MYO3B: variants seen among roughly 807,000 people sequenced by gnomAD.
The protein encoded by MYO3B is myosin IIIB.
In MYO3B, 156 loss-of-function variants were observed where a neutral mutation model predicts 174.6. That is an observed-to-expected ratio of 0.89 (90% CI 0.78 to 1.02). The LOEUF (loss-of-function observed/expected upper bound fraction) is 1.02, where lower values mean the gene tolerates loss of function less well. Among genes scored for constraint, MYO3B ranks in the 50% least tolerant of loss-of-function variants. The pLI is 0.00. For synonymous variants in MYO3B, 563 were observed against 569.1 expected (o/e 0.99, Z 0.15); for missense variants, 1,632 against 1,639.4 (o/e 1.00, Z 0.08).
intron 32 of MYO3B, among the ~76,000 whole-genome samples, chr2:170,607,671 C>T (rs1694897085): frequency 6.6e-6 from 1 of 152,198 alleles, no homozygotes; most frequent in African/African-American, 2.4e-5. Context: ...CTACTGTTTT[C>T]ACCTGGTAAT....
chr2:170,332,987 A>G (rs895116360), intron 7 of MYO3B, among the ~76,000 whole-genome samples: 8 of 152,092 alleles, frequency 5.3e-5, no homozygotes, highest in African/African-American at 1.9e-4. Context: ...TTTCAGTCAA[A>G]TCTACTCAGT....
intron 32 of MYO3B, among the ~76,000 whole-genome samples, chr2:170,584,141 A>G (rs559254978): frequency 1.3e-5 from 2 of 152,300 alleles, no homozygotes; most frequent in African/African-American, 4.8e-5. Context: ...CAATTAAATG[A>G]ATCTGAATTT....
chr2:170,193,256 G>A (rs1028121850), intron 1 of MYO3B, among the ~76,000 whole-genome samples: 5 of 151,886 alleles, frequency 3.3e-5, no homozygotes, highest in Admixed American at 3.3e-4. Flanking sequence ...ATAGTATCTG[G>A]TGCCTAGTAA....
At chr2:170,204,184 A>C (rs1264855719) in intron 3 of MYO3B, among the ~76,000 whole-genome samples, 1 of 152,198 alleles carries the variant, frequency 6.6e-6, no homozygotes, top group Non-Finnish European at 1.5e-5. Flanking sequence ...CCAACACCAG[A>C]GGAAAAAATG....
chr2:170,359,200 T>C (rs2094143654), intron 8 of MYO3B, among the ~76,000 whole-genome samples: 1 of 152,184 alleles, frequency 6.6e-6, no homozygotes, highest in South Asian at 2.1e-4. Flanking sequence ...GTAGTGAAGA[T>C]AAAAGATTTT....
chr2:170,317,755 G>A (rs755155637), intron 7 of MYO3B, among the ~76,000 whole-genome samples: 1 of 152,120 alleles, frequency 6.6e-6, no homozygotes, highest in Non-Finnish European at 1.5e-5. Context: ...AAAATTCTGT[G>A]GGAATTTATT....
intron 14 of MYO3B, among the ~76,000 whole-genome samples, chr2:170,388,879 A>G (rs1221947203): frequency 1.3e-5 from 2 of 152,220 alleles, no homozygotes; most frequent in African/African-American, 4.8e-5. Context: ...TGAACATTAA[A>G]CAAATGAAAG....
chr2:170,487,512 T>C (rs1385837613), intron 25 of MYO3B, among the ~76,000 whole-genome samples: 1 of 152,232 alleles, frequency 6.6e-6, no homozygotes, highest in Non-Finnish European at 1.5e-5. Context: ...AAGTGGTGAA[T>C]GGTGACAACA....
chr2:170,635,548 A>G (rs928121955), intron 32 of MYO3B, among the ~76,000 whole-genome samples: 23 of 152,168 alleles, frequency 1.5e-4, no homozygotes, highest in East Asian at 5.8e-4. Flanking sequence ...AACCAACACA[A>G]CACATGTATA....
chr2:170,521,359 A>G (rs186612723), intron 30 of MYO3B, among the ~76,000 whole-genome samples: 56 of 152,298 alleles, frequency 3.7e-4, no homozygotes, highest in Admixed American at 2.7e-3. Flanking sequence ...GCTTGGTTGG[A>G]AGACTTGGTT....
At chr2:170,283,375 GC>G (rs1328473924) in intron 7 of MYO3B, among the ~76,000 whole-genome samples, 2 of 152,160 alleles carry the variant, frequency 1.3e-5, no homozygotes, top group African/African-American at 4.8e-5. Flanking sequence ...CTCCTTCATT[GC>G]CTCAGGTGTT....
At chr2:170,405,524 C>T (rs2094503964) in intron 20 of MYO3B, 21 bp from the exon 21 acceptor site, 1 of 1,611,524 alleles carries the variant, frequency 6.2e-7, no homozygotes, top group Non-Finnish European at 8.5e-7. Context: ...TTGTAACTCT[C>T]CAACATAAAA....
chr2:170,183,366 C>T (rs1362295549), intron 1 of MYO3B, among the ~76,000 whole-genome samples: 1 of 152,134 alleles, frequency 6.6e-6, no homozygotes, highest in Non-Finnish European at 1.5e-5. Context: ...TTTTTGGTCT[C>T]TTTTCATTTA....
In MYO3B at chr2:170,653,177, T is replaced by C. The variant is rs369496468; in HGVS notation, c.*56T>C. ...AGTAGGAACATTCATGGTAATCGAC[T>C]GTCTGTCATTGCGTAAGAAAGCACT... is the stretch of plus-strand genomic sequence containing the variant. On this transcript the variant is annotated 3_prime_UTR_variant, in exon 35 of 35. Coordinates refer to ENST00000408978, the MANE Select transcript of MYO3B (RefSeq NM_138995.5). The C allele has an allele frequency of 2.0e-4, 318 of 1,602,682 alleles. 4 individuals are homozygous for C. The Middle Eastern group carries it at 0.014, about 69-fold the overall frequency.
chr2:170,314,618 G>A lies in MYO3B; in HGVS notation c.750-20767G>A. 1.3e-5 allele frequency among the ~76,000 whole-genome samples: 2 copies of A among 152,166 alleles called. 1 individual carries two copies. The highest frequency in any genetic ancestry group is 2.9e-5 in the Non-Finnish European group (2 of 68,024). On this transcript the variant is annotated intron_variant, in intron 7 of 34. Coordinates refer to ENST00000408978, the MANE Select transcript of MYO3B (RefSeq NM_138995.5). ...CTTTCAGCAGTTTTTTATATTATTG[G>A]TGGGAAATTCAATTAAACTGTATTG...
At chr2:170,629,522 C>G (rs1696760925) in intron 32 of MYO3B, among the ~76,000 whole-genome samples, 1 of 152,122 alleles carries the variant, frequency 6.6e-6, no homozygotes, top group Non-Finnish European at 1.5e-5. Context: ...TTTTTTATAT[C>G]AGAACTAAGG....
At chr2:170,558,205 G>A (rs1205952005) in intron 32 of MYO3B, among the ~76,000 whole-genome samples, 1 of 151,978 alleles carries the variant, frequency 6.6e-6, no homozygotes, top group Non-Finnish European at 1.5e-5. Context: ...GGAGGCTGAG[G>A]CAGGAGAATG....
At chr2:170,305,712 A>G (rs2093696585) in intron 7 of MYO3B, among the ~76,000 whole-genome samples, 1 of 152,140 alleles carries the variant, frequency 6.6e-6, no homozygotes, top group Admixed American at 6.5e-5. Context: ...CTTTTTGTTA[A>G]TGGGCCAGTT....
chr2:170,534,596 C>T (rs1004895210), intron 30 of MYO3B, among the ~76,000 whole-genome samples: 1 of 152,072 alleles, frequency 6.6e-6, no homozygotes, highest in Non-Finnish European at 1.5e-5. Context: ...CAGATGTGCG[C>T]CACCACGCCT....
Sources: allele counts gnomAD v4.1 joint callset (sites outside exome capture counted in the v4.1 genomes callset), GRCh38; gene constraint gnomAD v4.1.1; transcripts MANE v1.5; gene names NCBI Gene and HGNC (gene_info 2026-07-23, HGNC 2026-07-21).